The following LPP variants were observed in gnomAD, a reference collection of about 807,000 sequenced individuals.
LPP encodes lipoma-preferred partner.
In LPP, 38 loss-of-function variants were observed where a neutral mutation model predicts 60.4. That is an observed-to-expected ratio of 0.63 (90% CI 0.49 to 0.83). The LOEUF is 0.83. Among genes scored for constraint, LPP ranks in the 40% least tolerant of loss-of-function variants. The pLI, the probability that LPP is intolerant of heterozygous loss-of-function variation, is 0.00. For synonymous variants in LPP, 328 were observed against 290.8 expected (o/e 1.13, Z -1.30); for missense variants, 902 against 783.6 (o/e 1.15, Z -1.80).
chr3:188,790,165 G>C (rs1338910039), intron 9 of LPP, among the ~76,000 whole-genome samples: 2 of 152,054 alleles, frequency 1.3e-5, no homozygotes, highest in African/African-American at 4.8e-5. Context: ...TACAGCAACT[G>C]CATGCAATAA....
intron 2 of LPP, among the ~76,000 whole-genome samples, chr3:188,324,243 C>A (rs1331838317): frequency 6.6e-6 from 1 of 152,130 alleles, no homozygotes; most frequent in Non-Finnish European, 1.5e-5. Flanking sequence ...TATTTCCATT[C>A]CTAGATTATT....
At chr3:188,660,017 C>G (rs551861476) in intron 7 of LPP, among the ~76,000 whole-genome samples, 6 of 151,950 alleles carry the variant, frequency 3.9e-5, no homozygotes, top group Admixed American at 3.3e-4. Context: ...AGCGTAAGCA[C>G]GAGAGAATAA....
intron 9 of LPP, among the ~76,000 whole-genome samples, chr3:188,841,312 A>AAG (rs373299547): frequency 0.59 from 89,029 of 151,332 alleles, 26,543 homozygotes; most frequent in East Asian, 0.85. Flanking sequence ...CTGACAACTT[A>AAG]AGCTCATCCT....
chr3:188,243,966 C>T (rs993823733), intron 2 of LPP, among the ~76,000 whole-genome samples: 21 of 152,282 alleles, frequency 1.4e-4, no homozygotes, highest in African/African-American at 4.3e-4. Flanking sequence ...ACCTCCACTT[C>T]CCGGGTTCAA....
chr3:188,841,455 G>A (rs1164696136), intron 9 of LPP, among the ~76,000 whole-genome samples: 3 of 139,676 alleles, frequency 2.1e-5, no homozygotes, highest in African/African-American at 5.3e-5. Context: ...GCAGTGGCAC[G>A]ATCTCGGCTC....
chr3:188,281,361 GGAGGCT>G (rs921505387), intron 2 of LPP, among the ~76,000 whole-genome samples: 4 of 152,092 alleles, frequency 2.6e-5, no homozygotes, highest in Admixed American at 1.3e-4. Context: ...CAGCATTTTG[GGAGGCT>G]GAGGCAGATG....
At chr3:188,335,326 G>A (rs1011530646) in intron 2 of LPP, among the ~76,000 whole-genome samples, 1 of 152,164 alleles carries the variant, frequency 6.6e-6, no homozygotes, top group Non-Finnish European at 1.5e-5. Context: ...TTGAGGTAAT[G>A]TATCACGTTT....
At chr3:188,792,370 A>G (rs1201340629) in intron 9 of LPP, among the ~76,000 whole-genome samples, 4 of 152,176 alleles carry the variant, frequency 2.6e-5, no homozygotes, top group African/African-American at 7.2e-5. Context: ...TTGCCTGCTT[A>G]CCGCAAGCTC....
chr3:188,729,580 TCAA>T (rs1211808390), intron 8 of LPP, among the ~76,000 whole-genome samples: 1 of 152,200 alleles, frequency 6.6e-6, no homozygotes, highest in Non-Finnish European at 1.5e-5. Context: ...CTCTTTCAGT[TCAA>T]AACAGGAAGT....
chr3:188,424,727 G>A (rs1450926693), intron 4 of LPP, among the ~76,000 whole-genome samples: 2 of 152,188 alleles, frequency 1.3e-5, no homozygotes, highest in South Asian at 4.2e-4. Flanking sequence ...GTGAATGGGA[G>A]TTCACTCATG....
At position 188,656,777 on chromosome 3, in the gene LPP, T is replaced by C. The variant is rs1187145908; in HGVS notation, c.1113+46933T>C. Reference sequence around the variant, plus strand: ...GAAGCCTTCTGGCTTGAAGGAATAATAGTGAGTAATACCTAACATTGGCAT... The same window carrying C: ...GAAGCCTTCTGGCTTGAAGGAATAACAGTGAGTAATACCTAACATTGGCAT... On this transcript the variant is annotated intron_variant, in intron 7 of 11. Transcript: ENST00000617246. Among the ~76,000 whole-genome samples, 4 of 152,306 alleles carry C rather than the reference T, an allele frequency of 2.6e-5. No individual in the cohort carries two copies. In the East Asian group the frequency reaches 7.7e-4, roughly 29 times the overall value.
At chr3:188,815,533 T>C (rs566925237) in intron 9 of LPP, among the ~76,000 whole-genome samples, 2 of 148,654 alleles carry the variant, frequency 1.3e-5, no homozygotes, top group Non-Finnish European at 3.0e-5. Context: ...TATCTCCCTT[T>C]AGAAAAAAAA....
At chr3:188,584,671 A>G (rs1837034327) in intron 6 of LPP, among the ~76,000 whole-genome samples, 1 of 151,590 alleles carries the variant, frequency 6.6e-6, no homozygotes, top group South Asian at 2.1e-4. Flanking sequence ...CTCATGCTGT[A>G]TATCTAAATT....
intron 5 of LPP, among the ~76,000 whole-genome samples, chr3:188,523,132 C>T (rs1462527644): frequency 6.6e-6 from 1 of 152,026 alleles, no homozygotes; most frequent in African/African-American, 2.4e-5. Flanking sequence ...GTCTTGAACT[C>T]CTGGCCTCAG....
intron 9 of LPP, among the ~76,000 whole-genome samples, chr3:188,799,196 T>A (rs897332507): frequency 2.0e-5 from 3 of 152,246 alleles, no homozygotes; most frequent in Non-Finnish European, 4.4e-5. Context: ...CAGTTGATAG[T>A]TTTACTCTCA....
rs3817462 is a variant in LPP at position 188,759,802 on chromosome 3, A to G, written c.1241-311A>G. 0.1 allele frequency among the ~76,000 whole-genome samples: 15,487 copies of G among 152,150 alleles called. 956 individuals carry two copies. Among genetic ancestry groups the G allele is most frequent in the South Asian group, 0.21 (987 of 4,802 alleles). ...TGTTCCTTTTATACTTGCATGTGAG[A>G]TGAGAGTCAGAGCACTGACCTCAAA... is the stretch of plus-strand genomic sequence containing the variant. On this transcript the variant is annotated intron_variant, in intron 8 of 11. Transcript: ENST00000617246.
At chr3:188,622,763 C>T (rs531594732) in intron 7 of LPP, among the ~76,000 whole-genome samples, 23 of 152,128 alleles carry the variant, frequency 1.5e-4, no homozygotes, top group Admixed American at 1.4e-3. Flanking sequence ...GGCACAGTGG[C>T]TCACACCTGT....
chr3:188,570,509 A>T (rs1833287283), intron 6 of LPP, among the ~76,000 whole-genome samples: 1 of 152,046 alleles, frequency 6.6e-6, no homozygotes, highest in Non-Finnish European at 1.5e-5. Context: ...GGAGTGGCTT[A>T]AAGGACAATT....
chr3:188,694,155 A>G (rs1320412700), intron 7 of LPP, among the ~76,000 whole-genome samples: 2 of 152,184 alleles, frequency 1.3e-5, no homozygotes, highest in Non-Finnish European at 2.9e-5. Context: ...CATTTTATTC[A>G]TGATATGGTA....
Sources: gnomAD v4.1 joint callset for allele counts (sites outside exome capture counted in the v4.1 genomes callset) on GRCh38, gnomAD v4.1.1 for gene constraint, MANE v1.5 for transcripts, NCBI Gene and HGNC (gene_info 2026-07-23, HGNC 2026-07-21) for gene names.